The following FRMD4A variants were observed in gnomAD, a reference collection of about 807,000 sequenced individuals.
FRMD4A encodes FERM domain containing 4A.
FRMD4A carries 29 observed loss-of-function variants against 129.1 expected under a neutral mutation model. That is an observed-to-expected ratio of 0.22 (90% CI 0.17 to 0.31). FRMD4A has a LOEUF of 0.31. FRMD4A is among the 10% of genes least tolerant of loss of function. The pLI, the probability that FRMD4A is intolerant of heterozygous loss-of-function variation, is 1.00. For missense variants in FRMD4A, 1,272 were observed against 1,375.8 expected (o/e 0.92, Z 1.19); for synonymous variants, 634 against 571.6 (o/e 1.11, Z -1.56).
intron 2 of FRMD4A, among the ~76,000 whole-genome samples, chr10:14,155,975 G>A (rs1011684257): frequency 1.3e-5 from 2 of 152,104 alleles, no homozygotes; most frequent in Non-Finnish European, 2.9e-5. Context: ...TCTTTGGAGA[G>A]CAATATAGTA....
chr10:14,288,692 A>G (rs1292890991), intron 2 of FRMD4A, among the ~76,000 whole-genome samples: 3 of 152,226 alleles, frequency 2.0e-5, no homozygotes, highest in Non-Finnish European at 4.4e-5. Flanking sequence ...AGCTATTGCT[A>G]CCTATAGGCA....
Position 13,973,947 on chromosome 10 carries a change from A to G in FRMD4A, c.46-115035T>C, listed in dbSNP as rs115133783. Among the ~76,000 whole-genome samples, 1,482 of 151,820 alleles carry G rather than the reference A, an allele frequency of 9.8e-3. 19 individuals carry two copies. Among genetic ancestry groups the G allele is most frequent in the Middle Eastern group, 0.027 (8 of 292 alleles). ...GTGTGCTCTGAACTAATGCTCTCCA[A>G]CCTCTGGAGATCTTGGCTGTGAACC... On this transcript the variant is annotated intron_variant, in intron 2 of 24. Transcript: ENST00000357447.
chr10:14,094,309 G>A (rs569928512), intron 2 of FRMD4A, among the ~76,000 whole-genome samples: 2 of 152,222 alleles, frequency 1.3e-5, no homozygotes, highest in African/African-American at 4.8e-5. Flanking sequence ...TGAGGCCTGT[G>A]CAGGAGCCCC....
chr10:13,693,393 G>T, intron 15 of FRMD4A: 1 of 458,576 alleles, frequency 2.2e-6, no homozygotes, highest in Non-Finnish European at 3.1e-6. Flanking sequence ...TCTCTGACTC[G>T]CAATTTCAAA....
chr10:14,117,097 T>C (rs1437591091), intron 2 of FRMD4A, among the ~76,000 whole-genome samples: 3 of 152,248 alleles, frequency 2.0e-5, no homozygotes, highest in African/African-American at 7.2e-5. Flanking sequence ...ACAGCAGAGA[T>C]ACCTAAGGTA....
At chr10:14,038,064 A>T (rs1251124886) in intron 2 of FRMD4A, among the ~76,000 whole-genome samples, 5 of 152,326 alleles carry the variant, frequency 3.3e-5, no homozygotes, top group African/African-American at 7.2e-5. Context: ...GGCTCACGCC[A>T]GTAATCCCAG....
chr10:14,071,467 A>G (rs1284615711), intron 2 of FRMD4A, among the ~76,000 whole-genome samples: 1 of 152,200 alleles, frequency 6.6e-6, no homozygotes, highest in Non-Finnish European at 1.5e-5. Flanking sequence ...ATTACATTTA[A>G]AAATTGAAAT....
intron 4 of FRMD4A, among the ~76,000 whole-genome samples, chr10:13,807,563 CAA>C (rs1163186052): frequency 6.6e-5 from 8 of 122,004 alleles, no homozygotes; most frequent in African/African-American, 2.2e-4. Flanking sequence ...TGATTGCTAA[CAA>C]TATTAAACAT....
In FRMD4A at chr10:13,737,766, G is replaced by C. The variant is rs772886013; in HGVS notation, c.759+78C>G. The C allele has an allele frequency of 5.0e-6, 4 of 798,498 alleles. No homozygotes were observed. In the African/African-American group the frequency reaches 5.1e-5, roughly 10 times the overall value. 49.5% of individuals were successfully genotyped at this position (798,498 alleles called of 1,614,324 possible). ...TGAGCCTTTAGGCTGCATGGCGTTA[G>C]CATTTTTAAAGTGACTCCTACGCCT... On this transcript the variant is annotated intron_variant, in intron 12 of 24. Coordinates refer to ENST00000357447, the MANE Select transcript of FRMD4A (RefSeq NM_018027.5).
chr10:14,289,579 T>C (rs1564443420), intron 2 of FRMD4A, among the ~76,000 whole-genome samples: 3 of 152,130 alleles, frequency 2.0e-5, no homozygotes, highest in Admixed American at 6.6e-5. Flanking sequence ...ATTCTGTAGA[T>C]TGCCTTTTTA....
At chr10:13,701,627 A>G (rs1049491827) in intron 13 of FRMD4A, 149 bp from the exon 14 acceptor site, 1 of 657,206 alleles carries the variant, frequency 1.5e-6, no homozygotes, top group Non-Finnish European at 2.7e-6. Flanking sequence ...AGGCGTACAC[A>G]CACACACATG....
intron 4 of FRMD4A, 56 bp from the exon 5 acceptor site, chr10:13,796,644 G>T (rs2093125331): frequency 3.5e-6 from 3 of 867,678 alleles, no homozygotes; most frequent in East Asian, 2.4e-5. Flanking sequence ...AAGTTTTTTT[G>T]GGGTTGAAGG....
chr10:14,254,288 C>T (rs750098659), intron 2 of FRMD4A, among the ~76,000 whole-genome samples: 24 of 152,320 alleles, frequency 1.6e-4, no homozygotes, highest in Middle Eastern at 3.4e-3. Context: ...AGGATTTCTC[C>T]GGTTCTGTAT....
intron 2 of FRMD4A, among the ~76,000 whole-genome samples, chr10:13,980,679 C>G (rs556240436): frequency 1.3e-3 from 201 of 152,248 alleles, no homozygotes; most frequent in Non-Finnish European, 2.4e-3. Context: ...ATGATTGCAC[C>G]ACTGCACTCC....
intron 2 of FRMD4A, among the ~76,000 whole-genome samples, chr10:14,070,234 G>A (rs748233441): frequency 1.3e-5 from 2 of 151,640 alleles, no homozygotes; most frequent in Non-Finnish European, 2.9e-5. Context: ...GGACCCCTGT[G>A]AGGTGTAATC....
At chr10:14,327,002 C>A (rs1843304551) in intron 2 of FRMD4A, 2 of 398,586 alleles carry the variant, frequency 5.0e-6, no homozygotes, top group African/African-American at 4.1e-5. Context: ...AGAGGCATCA[C>A]TGCCCTCTGT....
chr10:13,810,936 G>GT, intron 3 of FRMD4A, 28 bp from the exon 4 acceptor site: 1 of 1,193,374 alleles, frequency 8.4e-7, no homozygotes, highest in Non-Finnish European at 1.2e-6. Context: ...TGGAAGAAGG[G>GT]TAAGTGATGA....
intron 2 of FRMD4A, among the ~76,000 whole-genome samples, chr10:14,012,827 T>C (rs1477958865): frequency 6.6e-6 from 1 of 152,194 alleles, no homozygotes; most frequent in Non-Finnish European, 1.5e-5. Flanking sequence ...CTGGCCTGTC[T>C]GTCCCCTGGA....
At chr10:13,980,765 A>G (rs1039657653) in intron 2 of FRMD4A, among the ~76,000 whole-genome samples, 3 of 152,180 alleles carry the variant, frequency 2.0e-5, no homozygotes, top group Admixed American at 6.5e-5. Context: ...AATTAAAAAA[A>G]TTGTTCGTTA....
Sources: allele counts gnomAD v4.1 joint callset (sites outside exome capture counted in the v4.1 genomes callset), GRCh38; gene constraint gnomAD v4.1.1; transcripts MANE v1.5; gene names NCBI Gene and HGNC (gene_info 2026-07-23, HGNC 2026-07-21).